The following CBLN2 variants were observed in gnomAD, a reference collection of about 807,000 sequenced individuals.
CBLN2 encodes the protein cerebellin 2 precursor.
Under a neutral mutation model 15.0 loss-of-function variants are expected in CBLN2, and 7 were observed. That is an observed-to-expected ratio of 0.47 (90% CI 0.27 to 0.88). The LOEUF is 0.88. Ranked by LOEUF, CBLN2 falls within the 40% of genes least tolerant of loss-of-function variation. The pLI is 0.14. For missense variants in CBLN2, 242 were observed against 304.5 expected (o/e 0.79, Z 1.53); for synonymous variants, 149 against 135.2 (o/e 1.10, Z -0.71).
Position 72,597,721 on chromosome 18 carries a change from T to C in CBLN2, c.15+40604A>G, listed in dbSNP as rs372728133. Among the ~76,000 whole-genome samples the C allele has an allele frequency of 2.0e-5, 3 of 152,232 alleles. No homozygotes were observed. The East Asian group carries it at 5.8e-4, about 29-fold the overall frequency. On this transcript the variant is annotated intron_variant, in intron 1 of 2. Coordinates refer to the CBLN2 transcript ENST00000581073. Reference sequence around the variant, plus strand: ...AACCTTTGGGATCTACCTGGTGTTCTATTCTACTGAGGCTGAGCTGGCACC... The same window carrying C: ...AACCTTTGGGATCTACCTGGTGTTCCATTCTACTGAGGCTGAGCTGGCACC...
In CBLN2 at chr18:72,543,348, C is replaced by T; in HGVS notation, c.-167+138G>A. 5.1e-6 allele frequency: 2 copies of T among 392,122 alleles called. No homozygotes were observed. The highest frequency in any genetic ancestry group is 9.0e-6 in the Non-Finnish European group (2 of 222,058). 24.3% of individuals were successfully genotyped at this position (392,122 alleles called of 1,614,324 possible). On this transcript the variant is annotated intron_variant, in intron 2 of 4. Coordinates refer to ENST00000269503, the MANE Select transcript of CBLN2 (RefSeq NM_182511.4). This position sits in a 1 kb window ranked among gnomAD's most constrained non-coding sequence, Gnocchi z 6.8. ...TGGCTCTTGATAAATATCCGCTGTC[C>T]GCAGCCCCGATCCTACATGATTTCC...
intron 1 of CBLN2, among the ~76,000 whole-genome samples, chr18:72,553,970 C>T (rs1482239099): frequency 6.6e-6 from 1 of 152,096 alleles, no homozygotes; most frequent in African/African-American, 2.4e-5. Flanking sequence ...TGCCTGGGTG[C>T]AATCTGATTA....
chr18:72,621,258 T>A (rs2069698883), intron 1 of CBLN2, among the ~76,000 whole-genome samples: 1 of 152,226 alleles, frequency 6.6e-6, no homozygotes, highest in South Asian at 2.1e-4. Flanking sequence ...GGTTTTGGAC[T>A]AAGAATTTAC....
At chr18:72,553,249 C>T (rs1214000583) in intron 1 of CBLN2, among the ~76,000 whole-genome samples, 2 of 152,170 alleles carry the variant, frequency 1.3e-5, no homozygotes, top group African/African-American at 4.8e-5. Flanking sequence ...GGCTCAGCAA[C>T]TCCAAAGAGG....
chr18:72,601,142 G>A (rs1265372856), intron 1 of CBLN2, among the ~76,000 whole-genome samples: 1 of 152,140 alleles, frequency 6.6e-6, no homozygotes, highest in Non-Finnish European at 1.5e-5. Context: ...GTTTTACAAA[G>A]GTGGTTCATT....
intron 1 of CBLN2, among the ~76,000 whole-genome samples, chr18:72,609,004 T>A (rs2144951672): frequency 6.6e-6 from 1 of 152,278 alleles, no homozygotes; most frequent in Admixed American, 6.5e-5. Flanking sequence ...ACGATTCAAT[T>A]ATCTTCACTT....
Position 72,594,615 on chromosome 18 carries a change from T to C in CBLN2, c.15+43710A>G, listed in dbSNP as rs550949494. Among the ~76,000 whole-genome samples the C allele has an allele frequency of 3.0e-4, 45 of 152,254 alleles. No homozygotes were observed. In the East Asian group the frequency reaches 7.9e-3, roughly 27 times the overall value. ...ATAGTTTGAGTAGGATAGGTACTAG[T>C]TCTTTAGATGTTTGGTAAAATTCAG... is the stretch of plus-strand genomic sequence containing the variant. On this transcript the variant is annotated intron_variant, in intron 1 of 2. Coordinates refer to the CBLN2 transcript ENST00000581073.
chr18:72,569,141 C>T (rs949165443), intron 1 of CBLN2, among the ~76,000 whole-genome samples: 1 of 152,012 alleles, frequency 6.6e-6, no homozygotes. Context: ...GACTTTTTAT[C>T]TTTTTAAGAG....
At chr18:72,620,524 C>T (rs191159376) in intron 1 of CBLN2, 1 of 152,420 alleles carries the variant, frequency 6.6e-6, no homozygotes, top group African/African-American at 2.4e-5. Flanking sequence ...AGAAGTCCAG[C>T]TGCTTCTCCC....
chr18:72,574,820 T>C (rs2069354381), intron 1 of CBLN2, among the ~76,000 whole-genome samples: 1 of 152,194 alleles, frequency 6.6e-6, no homozygotes, highest in Admixed American at 6.5e-5. Context: ...ATGATTACCA[T>C]GAATCGCTAA....
At chr18:72,572,262 A>ATT (rs34860718) in intron 1 of CBLN2, among the ~76,000 whole-genome samples, 4 of 147,718 alleles carry the variant, frequency 2.7e-5, no homozygotes, top group Non-Finnish European at 6.0e-5. Context: ...AGAATCATTG[A>ATT]TTTTTTTTTT....
At position 72,623,309 on chromosome 18, in the gene CBLN2, C is replaced by T. The variant is rs567331422; in HGVS notation, c.15+15016G>A. On this transcript the variant is annotated intron_variant, in intron 1 of 2. Coordinates refer to the CBLN2 transcript ENST00000581073. ...GGTAAACACTTAATTGATTTCTACC[C>T]TCCCTGTGGAAAAAGGAGGGTTGGT... Among the ~76,000 whole-genome samples the T allele has an allele frequency of 1.4e-4, 21 of 152,250 alleles. No individual in the cohort carries two copies. In the East Asian group the frequency reaches 2.5e-3, roughly 18 times the overall value.
chr18:72,572,863 AACAAAAAT>A (rs995859917), intron 1 of CBLN2, among the ~76,000 whole-genome samples: 68 of 152,104 alleles, frequency 4.5e-4, no homozygotes, highest in African/African-American at 1.5e-3. Flanking sequence ...ATATATAAAA[AACAAAAAT>A]AAAATAATTT....
chr18:72,542,233 A>G lies in CBLN2; in HGVS notation c.-73T>C. The G allele has an allele frequency of 3.8e-6, 4 of 1,039,596 alleles. No homozygotes were observed. Among genetic ancestry groups the G allele is most frequent in the Non-Finnish European group, 3.6e-6 (3 of 833,532 alleles). The allele number at this position is 1,039,596 out of a possible 1,614,324, so 64.4% of individuals were successfully genotyped here. ...CGAGCGGCGCGGAAGGGCGCGAAGGAACGCGCGGAGCTCGCAGCAGCCTCC... is the reference window on the plus strand; with the variant it reads ...CGAGCGGCGCGGAAGGGCGCGAAGGGACGCGCGGAGCTCGCAGCAGCCTCC... On this transcript the variant is annotated 5_prime_UTR_variant, in exon 3 of 5. Coordinates refer to ENST00000269503, the MANE Select transcript of CBLN2 (RefSeq NM_182511.4).
chr18:72,584,404 C>A (rs1337892803), intron 1 of CBLN2, among the ~76,000 whole-genome samples: 1 of 151,994 alleles, frequency 6.6e-6, no homozygotes, highest in African/African-American at 2.4e-5. Flanking sequence ...CTCTGCCTCC[C>A]AGGTTCAAGC....
intron 1 of CBLN2, among the ~76,000 whole-genome samples, chr18:72,603,657 G>A (rs560881995): frequency 2.6e-5 from 4 of 152,050 alleles, no homozygotes; most frequent in East Asian, 3.9e-4. Context: ...CCTTTCATTC[G>A]TCATCAGTCT....
intron 1 of CBLN2, among the ~76,000 whole-genome samples, chr18:72,558,465 G>A (rs939131470): frequency 1.3e-5 from 2 of 152,184 alleles, no homozygotes; most frequent in African/African-American, 2.4e-5. Flanking sequence ...CAGGTTAGCT[G>A]AGCACTGCAA....
intron 1 of CBLN2, among the ~76,000 whole-genome samples, chr18:72,562,205 G>T (rs2069265999): frequency 6.6e-6 from 1 of 152,138 alleles, no homozygotes. Context: ...CTGATACGGG[G>T]TGTGAGGAGC....
intron 1 of CBLN2, among the ~76,000 whole-genome samples, chr18:72,561,478 C>A (rs1400994089): frequency 6.6e-6 from 1 of 152,192 alleles, no homozygotes; most frequent in African/African-American, 2.4e-5. Context: ...TCCTCTCTGT[C>A]TTCCCTCTGT....
Sources: gnomAD v4.1 joint callset for allele counts (sites outside exome capture counted in the v4.1 genomes callset) on GRCh38, gnomAD v4.1.1 for gene constraint, Gnocchi (gnomAD v3.1) non-coding constraint, MANE v1.5 for transcripts, NCBI Gene and HGNC (gene_info 2026-07-23, HGNC 2026-07-21) for gene names.